The following GSE1 variants were observed in gnomAD, a reference collection of about 807,000 sequenced individuals.
The protein encoded by GSE1 is genetic suppressor element 1.
Under a neutral mutation model 112.6 loss-of-function variants are expected in GSE1, and 32 were observed. The observed-to-expected ratio is 0.28, with a 90% CI of 0.21 to 0.38. The LOEUF (loss-of-function observed/expected upper bound fraction) is 0.38, where lower values mean the gene tolerates loss of function less well. Among genes scored for constraint, GSE1 ranks in the 10% least tolerant of loss-of-function variants. GSE1 has a pLI of 1.00. For missense variants in GSE1, 2,348 were observed against 1,699.2 expected (o/e 1.38, Z -6.71); for synonymous variants, 1,115 against 735.6 (o/e 1.52, Z -8.35).
chr16:85,234,814 G>A (rs1312241322), intron 1 of GSE1, among the ~76,000 whole-genome samples: 1 of 152,158 alleles, frequency 6.6e-6, no homozygotes, highest in Non-Finnish European at 1.5e-5. Context: ...GGGTGGAGGC[G>A]GTGGGAGCCG....
intron 1 of GSE1, among the ~76,000 whole-genome samples, chr16:85,337,392 G>A (rs531397771): frequency 2.6e-4 from 38 of 147,928 alleles, no homozygotes; most frequent in Non-Finnish European, 4.0e-4. Flanking sequence ...TGCAAGCTCC[G>A]CCTCCCGGGT....
chr16:85,361,138 C>A (rs4536461), intron 2 of GSE1, among the ~76,000 whole-genome samples: 9,327 of 116,466 alleles, frequency 0.08, 1,191 homozygotes, highest in African/African-American at 0.27. Context: ...CAGACCCCCC[C>A]CACACAAACA....
rs184962325 is a variant in GSE1, at chr16:85,263,336, A to G, written c.2283+91529A>G. On this transcript the variant is annotated intron_variant, in intron 1 of 2. Coordinates refer to the GSE1 transcript ENST00000637419. ...CAGGGATTGTGACGCTGGAGTGTGC[A>G]TCAGAGGCCCCCAGAGAGCCGGGGA... Among the ~76,000 whole-genome samples, 60 of 152,142 alleles carry G rather than the reference A, an allele frequency of 3.9e-4. 1 individual carries two copies. Among genetic ancestry groups the G allele is most frequent in the Admixed American group, 3.1e-3 (48 of 15,280 alleles).
intron 1 of GSE1, among the ~76,000 whole-genome samples, chr16:85,245,023 G>A (rs1402685551): frequency 6.6e-6 from 1 of 151,200 alleles, no homozygotes; most frequent in East Asian, 1.9e-4. Flanking sequence ...TTTTCCGAGT[G>A]TGGTGGCACA....
At chr16:85,386,450 T>C (rs1207312355) in intron 2 of GSE1, among the ~76,000 whole-genome samples, 1 of 152,304 alleles carries the variant, frequency 6.6e-6, no homozygotes, top group East Asian at 1.9e-4. Flanking sequence ...GGGTTTGAGA[T>C]GATAGGGTGA....
chr16:85,426,372 G>A (rs56712940), intron 2 of GSE1, among the ~76,000 whole-genome samples: 19,165 of 144,694 alleles, frequency 0.13, 1,556 homozygotes, highest in East Asian at 0.38. Context: ...GCTGGTGGAT[G>A]AATGGATGAT....
At chr16:85,349,781 C>T (rs1217720975) in intron 1 of GSE1, among the ~76,000 whole-genome samples, 1 of 152,194 alleles carries the variant, frequency 6.6e-6, no homozygotes, top group Non-Finnish European at 1.5e-5. Flanking sequence ...TCTCATCTTC[C>T]CTGCTTTGCT....
chr16:85,246,500 A>ATCC (rs1905838406), intron 1 of GSE1, among the ~76,000 whole-genome samples: 1 of 18,512 alleles, frequency 5.4e-5, no homozygotes, highest in African/African-American at 1.7e-4. Flanking sequence ...CACTCTACAC[A>ATCC]CCCCCCCCCC....
At chr16:85,627,575 G>C (rs1017160825) in intron 1 of GSE1, among the ~76,000 whole-genome samples, 1 of 152,016 alleles carries the variant, frequency 6.6e-6, no homozygotes, top group Non-Finnish European at 1.5e-5. Context: ...AAGAGGGTGG[G>C]GGCCTCGCAG....
chr16:85,307,637 C>T (rs1182879580), intron 1 of GSE1, among the ~76,000 whole-genome samples: 1 of 152,162 alleles, frequency 6.6e-6, no homozygotes, highest in East Asian at 1.9e-4. Flanking sequence ...AGGGACGCTC[C>T]GCCAGCCTCG....
At chr16:85,184,979 AC>A (rs2074670093) in intron 1 of GSE1, 1 of 152,112 alleles carries the variant, frequency 6.6e-6, no homozygotes, top group Non-Finnish European at 1.5e-5. Flanking sequence ...TAGGTCATTA[AC>A]TTTTTTTGTG....
At chr16:85,258,779 G>C (rs560921722) in intron 1 of GSE1, among the ~76,000 whole-genome samples, 5 of 152,328 alleles carry the variant, frequency 3.3e-5, no homozygotes, top group African/African-American at 1.2e-4. Flanking sequence ...GCGCTTGTCA[G>C]GCCCGCGAAG....
At chr16:85,586,087 G>T (rs145157929) in intron 1 of GSE1, among the ~76,000 whole-genome samples, 1 of 152,152 alleles carries the variant, frequency 6.6e-6, no homozygotes, top group East Asian at 1.9e-4. Context: ...CTACTTGGCC[G>T]TCCGTTCCCT....
chr16:85,639,606 G>A lies in GSE1; in HGVS notation c.226+5474G>A, dbSNP rs927608294. 7.9e-5 allele frequency among the ~76,000 whole-genome samples: 12 copies of A among 152,360 alleles called. 1 individual carries two copies. The highest frequency in any genetic ancestry group is 2.2e-4 in the African/African-American group (9 of 41,590). ...GAGGTGTTTGCCCCGAGGGTGCCCC[G>A]GGAACGCCTGTGCGTGGAGCCAGGC... On this transcript the variant is annotated intron_variant, in intron 2 of 15. Coordinates refer to ENST00000253458, the MANE Select transcript of GSE1 (RefSeq NM_014615.5).
At chr16:85,308,134 C>T (rs758121891) in intron 1 of GSE1, among the ~76,000 whole-genome samples, 1 of 152,170 alleles carries the variant, frequency 6.6e-6, no homozygotes, top group Admixed American at 6.5e-5. Flanking sequence ...TAAGTGTCTG[C>T]ATTTCGGTTT....
intron 1 of GSE1, among the ~76,000 whole-genome samples, chr16:85,590,685 A>G (rs997118076): frequency 3.3e-5 from 5 of 151,952 alleles, no homozygotes; most frequent in Non-Finnish European, 5.9e-5. Context: ...AATGTGTTTG[A>G]GACAGCGTGT....
intron 2 of GSE1, among the ~76,000 whole-genome samples, chr16:85,441,034 G>A (rs1332550907): frequency 6.6e-6 from 1 of 152,238 alleles, no homozygotes; most frequent in Non-Finnish European, 1.5e-5. Context: ...AGGAACGAGG[G>A]GCTGGCGGGG....
chr16:85,280,474 C>T (rs2044824972), intron 1 of GSE1, among the ~76,000 whole-genome samples: 1 of 152,196 alleles, frequency 6.6e-6, no homozygotes, highest in South Asian at 2.1e-4. Context: ...CGGCTCAGTG[C>T]AACCTCCACC....
At chr16:85,243,120 G>A (rs1419006998) in intron 1 of GSE1, among the ~76,000 whole-genome samples, 1 of 152,240 alleles carries the variant, frequency 6.6e-6, no homozygotes, top group Non-Finnish European at 1.5e-5. Context: ...TCCCTCAGGT[G>A]AGTAACATGC....
Sources: allele counts gnomAD v4.1 joint callset (sites outside exome capture counted in the v4.1 genomes callset), GRCh38; gene constraint gnomAD v4.1.1; transcripts MANE v1.5; gene names NCBI Gene and HGNC (gene_info 2026-07-23, HGNC 2026-07-21).